The following NBAS variants were observed in gnomAD, a reference collection of about 807,000 sequenced individuals.
NBAS encodes NAG/BC035112 fusion.
Under a neutral mutation model 302.5 loss-of-function variants are expected in NBAS, and 219 were observed. That is an observed-to-expected ratio of 0.72 (90% CI 0.65 to 0.81). The LOEUF is 0.81. Ranked by LOEUF, NBAS falls within the 30% of genes least tolerant of loss-of-function variation. NBAS has a pLI of 0.00. For missense variants in NBAS, 2,932 were observed against 2,841.6 expected, an observed-to-expected ratio of 1.03 and a Z score of -0.72; for synonymous variants, 1,118 against 1,021.6, an observed-to-expected ratio of 1.09 and a Z score of -1.80.
chr2:15,372,307 G>A (rs964091170), intron 31 of NBAS, among the ~76,000 whole-genome samples: 1 of 152,084 alleles, frequency 6.6e-6, no homozygotes, highest in African/African-American at 2.4e-5. Flanking sequence ...CACACATAGG[G>A]AGTCATTTTT....
the NBAS span, among the ~76,000 whole-genome samples, chr2:15,095,740 G>T: frequency 6.6e-6 from 1 of 152,170 alleles, no homozygotes; most frequent in African/African-American, 2.4e-5. Flanking sequence ...ATGTCCCATT[G>T]TCAAGTTGGT....
the NBAS span, among the ~76,000 whole-genome samples, chr2:14,805,642 A>T: frequency 6.6e-6 from 1 of 152,204 alleles, no homozygotes; most frequent in African/African-American, 2.4e-5. Flanking sequence ...GTGAGATAAT[A>T]GTGGCCTGGA....
At chr2:15,034,027 GAGGAGGAGGA>G in the NBAS span, among the ~76,000 whole-genome samples, 24 of 63,804 alleles carry the variant, frequency 3.8e-4, 1 homozygote, top group African/African-American at 2.4e-3. Flanking sequence ...AGAAGAAGAA[GAGGAGGAGGA>G]AGGAGGAGGA....
At chr2:15,488,112 G>A (rs1011623728) in intron 12 of NBAS, among the ~76,000 whole-genome samples, 4 of 152,084 alleles carry the variant, frequency 2.6e-5, no homozygotes, top group African/African-American at 9.7e-5. Flanking sequence ...GCTCTAATAT[G>A]AAAATCTCAA....
chr2:15,235,143 C>T (rs918988406), intron 45 of NBAS, among the ~76,000 whole-genome samples: 3 of 152,206 alleles, frequency 2.0e-5, no homozygotes, highest in African/African-American at 4.8e-5. Context: ...ACTACGACCA[C>T]ATAATAATCT....
intron 40 of NBAS, among the ~76,000 whole-genome samples, chr2:15,301,136 T>C (rs1224463010): frequency 2.0e-5 from 3 of 152,046 alleles, no homozygotes; most frequent in African/African-American, 7.2e-5. Context: ...GCCACCAAGA[T>C]CACTCATGTC....
intron 48 of NBAS, among the ~76,000 whole-genome samples, chr2:15,203,109 T>G (rs979542194): frequency 2.6e-5 from 4 of 152,212 alleles, no homozygotes; most frequent in African/African-American, 4.8e-5. Context: ...TAATATAGTA[T>G]AGCATAACAT....
chr2:15,483,771 T>C (rs1572913884), intron 12 of NBAS, among the ~76,000 whole-genome samples: 1 of 152,282 alleles, frequency 6.6e-6, no homozygotes, highest in East Asian at 1.9e-4. Context: ...AAGCGGCAAA[T>C]TGCATGAAGA....
chr2:15,546,727 G>A (rs1273096834), intron 6 of NBAS, among the ~76,000 whole-genome samples: 1 of 152,146 alleles, frequency 6.6e-6, no homozygotes, highest in East Asian at 1.9e-4. Flanking sequence ...GACTCCGTCT[G>A]AAAACAAAAC....
intron 44 of NBAS, among the ~76,000 whole-genome samples, chr2:15,240,521 G>C (rs11680223): frequency 6.6e-6 from 1 of 151,294 alleles, no homozygotes; most frequent in East Asian, 2.0e-4. Flanking sequence ...GGAGGCTGCG[G>C]CAGGAGAATG....
chr2:15,383,178 T>C, intron 29 of NBAS, 37 bp downstream of exon 29: 1 of 1,488,722 alleles, frequency 6.7e-7, no homozygotes, highest in Non-Finnish European at 9.2e-7. Context: ...TTAAAATTGT[T>C]AAATTAAAAA....
chr2:15,275,084 A>G (rs779727195), intron 44 of NBAS, among the ~76,000 whole-genome samples: 27 of 152,122 alleles, frequency 1.8e-4, no homozygotes, highest in Non-Finnish European at 2.8e-4. Flanking sequence ...TGCCCGGCCA[A>G]TAACTTTTTT....
chr2:14,850,078 A>C, the NBAS span, among the ~76,000 whole-genome samples: 1 of 136,978 alleles, frequency 7.3e-6, no homozygotes, highest in Non-Finnish European at 1.5e-5. Flanking sequence ...ACACATAACA[A>C]TATTAACTTT....
At chr2:15,020,760 A>G in the NBAS span, among the ~76,000 whole-genome samples, 2 of 152,170 alleles carry the variant, frequency 1.3e-5, no homozygotes, top group African/African-American at 4.8e-5. Context: ...TGTCTCCTTT[A>G]TTTTGAGGCA....
chr2:15,461,482 T>C (rs772135105), intron 20 of NBAS, 145 bp from the exon 21 acceptor site: 23 of 888,556 alleles, frequency 2.6e-5, no homozygotes, highest in Non-Finnish European at 3.6e-5. Flanking sequence ...CTAGCCTATA[T>C]CCTGTTTCTC....
At chr2:14,943,705 T>C in the NBAS span, among the ~76,000 whole-genome samples, 1 of 152,100 alleles carries the variant, frequency 6.6e-6, no homozygotes, top group Non-Finnish European at 1.5e-5. Flanking sequence ...AATGTTGGAG[T>C]CAGAATTGAA....
chr2:15,294,252 T>C (rs2148117453), intron 40 of NBAS, among the ~76,000 whole-genome samples: 1 of 152,218 alleles, frequency 6.6e-6, no homozygotes, highest in Non-Finnish European at 1.5e-5. Flanking sequence ...CTAGGTTAAA[T>C]ACTCAGGTAC....
At chr2:14,930,192 C>T in the NBAS span, among the ~76,000 whole-genome samples, 1 of 152,128 alleles carries the variant, frequency 6.6e-6, no homozygotes, top group Non-Finnish European at 1.5e-5. Context: ...TGGACTTCAC[C>T]CTTTTCCTCC....
the NBAS span, among the ~76,000 whole-genome samples, chr2:14,798,472 T>C: frequency 6.6e-6 from 1 of 152,212 alleles, no homozygotes; most frequent in South Asian, 2.1e-4. Flanking sequence ...GTTGTCAGAT[T>C]CAATTTGTCA....
Sources: gnomAD v4.1 joint callset for allele counts (sites outside exome capture counted in the v4.1 genomes callset) on GRCh38, gnomAD v4.1.1 for gene constraint, MANE v1.5 for transcripts, NCBI Gene and HGNC (gene_info 2026-07-23, HGNC 2026-07-21) for gene names.